Variants in CSMD1 observed in about 807,000 individuals in gnomAD.
CSMD1 encodes the protein CUB and sushi domain-containing protein 1.
CSMD1 carries 213 observed loss-of-function variants against 417.5 expected under a neutral mutation model. That is an observed-to-expected ratio of 0.51 (90% CI 0.46 to 0.57). CSMD1 has a LOEUF of 0.57. Ranked by LOEUF, CSMD1 falls within the 20% of genes least tolerant of loss-of-function variation. The pLI, the probability that CSMD1 is intolerant of heterozygous loss-of-function variation, is 0.00. For synonymous variants in CSMD1, 2,862 were observed against 1,736.8 expected (o/e 1.65, Z -16.11); for missense variants, 6,923 against 4,529.7 (o/e 1.53, Z -15.17).
intron 1 of CSMD1, among the ~76,000 whole-genome samples, chr8:4,751,372 C>G (rs1373036041): frequency 6.6e-6 from 1 of 150,612 alleles, no homozygotes; most frequent in African/African-American, 2.5e-5. Context: ...GCCTGGACGA[C>G]AGAGCAAGAC....
intron 1 of CSMD1, among the ~76,000 whole-genome samples, chr8:4,888,457 G>C (rs184911023): frequency 1.1e-4 from 16 of 151,500 alleles, no homozygotes; most frequent in Admixed American, 6.6e-4. Flanking sequence ...ATATTGTTTT[G>C]CACGTATAGG....
chr8:4,022,577 G>A (rs914878969), intron 4 of CSMD1, among the ~76,000 whole-genome samples: 10 of 152,152 alleles, frequency 6.6e-5, no homozygotes, highest in African/African-American at 2.2e-4. Flanking sequence ...TTGAGGGCAC[G>A]AGTAAAGAGA....
chr8:4,530,292 A>C (rs1458692625), intron 2 of CSMD1, among the ~76,000 whole-genome samples: 1 of 114,586 alleles, frequency 8.7e-6, no homozygotes, highest in Non-Finnish European at 1.8e-5. Flanking sequence ...AATATTGTTC[A>C]CAGTTTATCG....
chr8:4,604,064 T>A (rs1334469920), intron 2 of CSMD1, among the ~76,000 whole-genome samples: 3 of 152,084 alleles, frequency 2.0e-5, no homozygotes, highest in African/African-American at 7.2e-5. Context: ...GTTAACTTAC[T>A]CATCAACTTA....
intron 5 of CSMD1, among the ~76,000 whole-genome samples, chr8:3,855,054 G>A (rs1274639617): frequency 6.6e-6 from 1 of 152,044 alleles, no homozygotes; most frequent in Non-Finnish European, 1.5e-5. Context: ...GAGAGCTTGA[G>A]AGAAATGAGA....
intron 10 of CSMD1, among the ~76,000 whole-genome samples, chr8:3,535,202 T>C (rs1798144885): frequency 1.3e-5 from 2 of 152,082 alleles, no homozygotes; most frequent in Admixed American, 1.3e-4. Context: ...GATCCTTCTG[T>C]TTCAGCCTCC....
rs868867550 is a variant in CSMD1, at chr8:4,914,948, T to C, written c.85+79384A>G. On this transcript the variant is annotated intron_variant, in intron 1 of 69. Coordinates refer to ENST00000635120, the MANE Select transcript of CSMD1 (RefSeq NM_033225.6). The stretch of plus-strand genomic sequence containing the variant: ...AACATTTATCCAAAGAAAATGATGA[T>C]GATGATGAAACGCATTCCGTTTCAT... 3.3e-5 allele frequency among the ~76,000 whole-genome samples: 5 copies of C among 152,108 alleles called. No homozygotes were observed. The South Asian group carries it at 8.3e-4, about 25-fold the overall frequency.
At chr8:4,293,042 G>A (rs1255872255) in intron 3 of CSMD1, among the ~76,000 whole-genome samples, 1 of 152,144 alleles carries the variant, frequency 6.6e-6, no homozygotes, top group Admixed American at 6.5e-5. Flanking sequence ...GCTTGAGAAG[G>A]GGCTATTCCA....
At position 2,963,140 on chromosome 8, in the gene CSMD1, T is replaced by C. The variant is rs907167388; in HGVS notation, c.9454+82A>G. On this transcript the variant is annotated intron_variant, in intron 60 of 69. Transcript: ENST00000635120. ...ATTACCCACCAGGAAGGTCCTCAGA[T>C]TGTAACCTTAGGATGTGCCCTGGTT... is the stretch of plus-strand genomic sequence containing the variant. 5.4e-6 allele frequency: 8 copies of C among 1,477,686 alleles called. No homozygotes were observed. In the African/African-American group the frequency reaches 5.5e-5, roughly 10 times the overall value. 91.5% of individuals were successfully genotyped at this position (1,477,686 alleles called of 1,614,324 possible).
At chr8:3,283,023 T>G (rs867907681) in intron 26 of CSMD1, among the ~76,000 whole-genome samples, 1 of 152,140 alleles carries the variant, frequency 6.6e-6, no homozygotes, top group East Asian at 1.9e-4. Context: ...ATATCTCCAC[T>G]CCTTCCTCCT....
At chr8:4,501,337 T>C (rs541237294) in intron 2 of CSMD1, among the ~76,000 whole-genome samples, 1 of 152,288 alleles carries the variant, frequency 6.6e-6, no homozygotes, top group South Asian at 2.1e-4. Context: ...TTAACGGTCA[T>C]CATCTCATTT....
chr8:3,459,040 C>G (rs779648315), intron 12 of CSMD1, among the ~76,000 whole-genome samples: 1 of 152,166 alleles, frequency 6.6e-6, no homozygotes, highest in East Asian at 1.9e-4. Flanking sequence ...AGGACCCGCC[C>G]GGAGAGAAGG....
chr8:2,949,521 C>G, intron 67 of CSMD1, 135 bp from the exon 68 acceptor site: 1 of 460,518 alleles, frequency 2.2e-6, no homozygotes, highest in Non-Finnish European at 3.7e-6. Context: ...TTTATTTTTG[C>G]CATGGCTTTT....
chr8:3,682,844 A>G (rs1307711515), intron 7 of CSMD1, among the ~76,000 whole-genome samples: 4 of 152,184 alleles, frequency 2.6e-5, no homozygotes, highest in South Asian at 2.1e-4. Flanking sequence ...CATATACACC[A>G]TGGAATACTA....
At chr8:4,509,837 C>G (rs532626577) in intron 2 of CSMD1, among the ~76,000 whole-genome samples, 2 of 152,226 alleles carry the variant, frequency 1.3e-5, no homozygotes, top group African/African-American at 2.4e-5. Context: ...GTTAAATTGC[C>G]CCAAGATTCA....
At chr8:3,846,226 T>A (rs1278747681) in intron 5 of CSMD1, among the ~76,000 whole-genome samples, 1 of 152,162 alleles carries the variant, frequency 6.6e-6, no homozygotes, top group Non-Finnish European at 1.5e-5. Flanking sequence ...GCCACCAGCA[T>A]CATCACAGAT....
intron 3 of CSMD1, among the ~76,000 whole-genome samples, chr8:4,179,397 C>G (rs1012527614): frequency 3.2e-4 from 49 of 152,214 alleles, no homozygotes; most frequent in African/African-American, 1.2e-3. Flanking sequence ...GAAGCTGGAT[C>G]CCTTCCTTAC....
chr8:4,644,175 C>A (rs1003457662), intron 1 of CSMD1, among the ~76,000 whole-genome samples: 4 of 152,194 alleles, frequency 2.6e-5, no homozygotes, highest in African/African-American at 7.2e-5. Flanking sequence ...GTTTGTATCA[C>A]TCCAAAAGGA....
At chr8:4,680,950 A>ATG (rs71209112) in intron 1 of CSMD1, among the ~76,000 whole-genome samples, 1,858 of 144,444 alleles carry the variant, frequency 0.013, 25 homozygotes, top group South Asian at 0.053. Context: ...ATCTATATTG[A>ATG]TGTGTGTGTG....
Sources: gnomAD v4.1 joint callset for allele counts (sites outside exome capture counted in the v4.1 genomes callset) on GRCh38, gnomAD v4.1.1 for gene constraint, MANE v1.5 for transcripts, NCBI Gene and HGNC (gene_info 2026-07-23, HGNC 2026-07-21) for gene names.